The following SCAPER variants were observed in gnomAD, a reference collection of about 807,000 sequenced individuals.
SCAPER encodes the protein S phase cyclin A-associated protein in the endoplasmic reticulum.
In SCAPER, 98 loss-of-function variants were observed where a neutral mutation model predicts 182.2. The observed-to-expected ratio is 0.54, with a 90% confidence interval of 0.46 to 0.64. The LOEUF (loss-of-function observed/expected upper bound fraction) is 0.64, where lower values mean the gene tolerates loss of function less well. Ranked by LOEUF, SCAPER falls within the 30% of genes least tolerant of loss-of-function variation. The probability of loss-of-function intolerance (pLI) is 0.00; values close to 1 mark genes in which losing one functional copy is unlikely to be tolerated. For synonymous variants in SCAPER, 605 were observed against 564.6 expected (o/e 1.07, Z -1.01); for missense variants, 1,432 against 1,690.0 (o/e 0.85, Z 2.68).
chr15:76,389,304 C>T (rs1379315972), intron 27 of SCAPER, among the ~76,000 whole-genome samples: 1 of 151,156 alleles, frequency 6.6e-6, no homozygotes, highest in Non-Finnish European at 1.5e-5. Flanking sequence ...AGTTCAACAC[C>T]AGCCTGGCCA....
At chr15:76,766,828 A>T (rs976566194) in intron 11 of SCAPER, 90 bp downstream of exon 11, 34 of 957,374 alleles carry the variant, frequency 3.6e-5, no homozygotes, top group Non-Finnish European at 5.2e-5. Flanking sequence ...TCTAAATAGG[A>T]CTAGATGGAC....
intron 21 of SCAPER, among the ~76,000 whole-genome samples, chr15:76,648,574 A>G (rs975836776): frequency 6.6e-6 from 1 of 152,242 alleles, no homozygotes; most frequent in Non-Finnish European, 1.5e-5. Flanking sequence ...AACCATAACA[A>G]GAAGTGTTCC....
At chr15:76,618,073 A>T (rs1217934404) in intron 22 of SCAPER, among the ~76,000 whole-genome samples, 2 of 152,044 alleles carry the variant, frequency 1.3e-5, no homozygotes, top group Non-Finnish European at 2.9e-5. Flanking sequence ...AGTCTGACCA[A>T]CCCTGGTGAA....
intron 17 of SCAPER, among the ~76,000 whole-genome samples, chr15:76,714,839 G>C (rs2059799933): frequency 1.3e-5 from 2 of 152,042 alleles, no homozygotes; most frequent in South Asian, 4.2e-4. Context: ...TCAAATTGAA[G>C]TGGAGCTTAT....
At chr15:76,465,206 C>T (rs1012450046) in intron 25 of SCAPER, among the ~76,000 whole-genome samples, 1 of 152,096 alleles carries the variant, frequency 6.6e-6, no homozygotes, top group African/African-American at 2.4e-5. Flanking sequence ...TCTCACAGTT[C>T]AGGAAGTTAG....
chr15:76,846,057 C>G lies in SCAPER; in HGVS notation c.196-4126G>C, dbSNP rs1407930400. On this transcript the variant is annotated intron_variant, in intron 4 of 31. Transcript: ENST00000563290. ...AAAAAAATCATACACCTACAGTGAA[C>G]TTATTTTCAGCAAAGGTGCCAGGAA... Among the ~76,000 whole-genome samples the G allele has an allele frequency of 2.6e-5, 4 of 151,966 alleles. No individual in the cohort carries two copies. The East Asian group carries it at 7.7e-4, about 29-fold the overall frequency.
intron 25 of SCAPER, among the ~76,000 whole-genome samples, chr15:76,450,353 T>C (rs1397737848): frequency 2.6e-5 from 4 of 152,174 alleles, no homozygotes; most frequent in Non-Finnish European, 5.9e-5. Flanking sequence ...AGATACAAAA[T>C]TCTATGAAGA....
chr15:76,467,287 T>A (rs1053067353), intron 25 of SCAPER, among the ~76,000 whole-genome samples: 9 of 152,120 alleles, frequency 5.9e-5, no homozygotes, highest in Non-Finnish European at 1.3e-4. Context: ...GCCTCCCTGT[T>A]TTTGTTGTTC....
chr15:76,855,457 CAAAAAAAAAA>C (rs34226154), intron 4 of SCAPER, among the ~76,000 whole-genome samples: 1 of 116,324 alleles, frequency 8.6e-6, no homozygotes. Flanking sequence ...TTCTGCACAG[CAAAAAAAAAA>C]AAAAAAAAAA....
chr15:76,878,385 T>C lies in SCAPER; in HGVS notation c.6+5427A>G, dbSNP rs186715862. On this transcript the variant is annotated intron_variant, in intron 2 of 31. Coordinates refer to ENST00000563290, the MANE Select transcript of SCAPER (RefSeq NM_020843.4). ...TTTAAAATTATAATGAAATTAAAAA[T>C]TACCAAAAATGATACAGGGGAGTAT... Among the ~76,000 whole-genome samples, 26 of 151,454 alleles carry C rather than the reference T, an allele frequency of 1.7e-4. No homozygotes were observed. The East Asian group carries it at 4.5e-3, about 26-fold the overall frequency.
intron 21 of SCAPER, among the ~76,000 whole-genome samples, chr15:76,642,493 A>C (rs1016867321): frequency 6.6e-6 from 1 of 152,226 alleles, no homozygotes; most frequent in African/African-American, 2.4e-5. Context: ...ATTAAAATGT[A>C]TCTTGATTAC....
intron 24 of SCAPER, among the ~76,000 whole-genome samples, chr15:76,489,774 T>C (rs920603767): frequency 6.6e-6 from 1 of 152,214 alleles, no homozygotes; most frequent in South Asian, 2.1e-4. Context: ...TGAAACTTTA[T>C]GCCTGTTGAT....
chr15:76,666,278 G>A lies in SCAPER; in HGVS notation c.2509-489C>T, dbSNP rs138051845. ...TATTAGGTAAGTATATTTGGCCTGT[G>A]AGTAGGGTGAGGCTGCAGGAAGGAA... On this transcript the variant is annotated intron_variant, in intron 20 of 31. Coordinates refer to ENST00000563290, the MANE Select transcript of SCAPER (RefSeq NM_020843.4). Among the ~76,000 whole-genome samples, 5 of 152,262 alleles carry A rather than the reference G, an allele frequency of 3.3e-5. No homozygotes were observed. The East Asian group carries it at 9.6e-4, about 29-fold the overall frequency.
chr15:76,656,515 T>C (rs1241677048), intron 21 of SCAPER, among the ~76,000 whole-genome samples: 5 of 152,124 alleles, frequency 3.3e-5, no homozygotes, highest in Non-Finnish European at 5.9e-5. Flanking sequence ...AACAATGATA[T>C]TCGGGGCCTG....
intron 26 of SCAPER, among the ~76,000 whole-genome samples, chr15:76,421,646 T>C (rs1321279417): frequency 2.0e-5 from 3 of 152,238 alleles, no homozygotes; most frequent in South Asian, 2.1e-4. Context: ...TTTGTCAACT[T>C]TGGCTTTTGT....
intron 21 of SCAPER, among the ~76,000 whole-genome samples, chr15:76,652,371 C>CATATACATATAT (rs2055209770): frequency 1.2e-4 from 1 of 8,066 alleles, no homozygotes; most frequent in East Asian, 4.1e-3. Context: ...CACACACACA[C>CATATACATATAT]ATATATATAT....
intron 1 of SCAPER, among the ~76,000 whole-genome samples, chr15:76,891,204 G>A (rs2074143799): frequency 6.6e-6 from 1 of 152,094 alleles, no homozygotes; most frequent in African/African-American, 2.4e-5. Context: ...CAAACCCATA[G>A]CCAAGATCAT....
chr15:76,430,981 T>G (rs1298069122), intron 26 of SCAPER, among the ~76,000 whole-genome samples: 1 of 152,128 alleles, frequency 6.6e-6, no homozygotes, highest in Non-Finnish European at 1.5e-5. Context: ...CTCGTGATAG[T>G]GAATAAGTCT....
chr15:76,701,454 A>G (rs1798565508), intron 20 of SCAPER, among the ~76,000 whole-genome samples: 1 of 152,232 alleles, frequency 6.6e-6, no homozygotes, highest in African/African-American at 2.4e-5. Flanking sequence ...CTGTTTTCCA[A>G]GAATGTGGCA....
Sources: allele counts gnomAD v4.1 joint callset (sites outside exome capture counted in the v4.1 genomes callset), GRCh38; gene constraint gnomAD v4.1.1; transcripts MANE v1.5; gene names NCBI Gene and HGNC (gene_info 2026-07-23, HGNC 2026-07-21).